Variants in CNTNAP5 observed in about 807,000 individuals in gnomAD.
CNTNAP5 encodes contactin associated protein family member 5.
CNTNAP5 carries 72 observed loss-of-function variants against 150.2 expected under a neutral mutation model. That is an observed-to-expected ratio of 0.48 (90% CI 0.40 to 0.58). CNTNAP5 has a LOEUF of 0.58. Among genes scored for constraint, CNTNAP5 ranks in the 20% least tolerant of loss-of-function variants. The probability of loss-of-function intolerance (pLI) is 0.00; values close to 1 mark genes in which losing one functional copy is unlikely to be tolerated. For missense variants in CNTNAP5, 1,636 were observed against 1,626.2 expected (o/e 1.01, Z -0.10); for synonymous variants, 672 against 619.8 (o/e 1.08, Z -1.25).
intron 1 of CNTNAP5, among the ~76,000 whole-genome samples, chr2:124,026,782 T>C (rs573267233): frequency 6.6e-6 from 1 of 152,372 alleles, no homozygotes; most frequent in African/African-American, 2.4e-5. Context: ...TTTTTAGTTT[T>C]TGTAATTTGC....
At chr2:124,538,374 A>T (rs934934201) in intron 10 of CNTNAP5, among the ~76,000 whole-genome samples, 27 of 152,130 alleles carry the variant, frequency 1.8e-4, no homozygotes, top group Non-Finnish European at 4.0e-4. Flanking sequence ...GCTGATGGGG[A>T]GGCTGAGGCA....
intron 1 of CNTNAP5, among the ~76,000 whole-genome samples, chr2:124,105,147 G>T (rs1053391090): frequency 3.3e-5 from 5 of 151,930 alleles, no homozygotes; most frequent in African/African-American, 1.2e-4. Flanking sequence ...AAATCTTACT[G>T]ATCTCTTCAG....
intron 12 of CNTNAP5, among the ~76,000 whole-genome samples, chr2:124,632,669 A>G (rs1677889023): frequency 6.6e-6 from 1 of 152,078 alleles, no homozygotes; most frequent in Non-Finnish European, 1.5e-5. Flanking sequence ...TATGTATGTT[A>G]CAAACCTGCA....
At chr2:124,083,523 G>C (rs1682609041) in intron 1 of CNTNAP5, among the ~76,000 whole-genome samples, 1 of 151,934 alleles carries the variant, frequency 6.6e-6, no homozygotes, top group Non-Finnish European at 1.5e-5. Context: ...ATACCAAATA[G>C]TTTTTACTGT....
chr2:124,648,964 C>A (rs1007057090), intron 13 of CNTNAP5, among the ~76,000 whole-genome samples: 2 of 152,150 alleles, frequency 1.3e-5, no homozygotes, highest in African/African-American at 4.8e-5. Context: ...TAACTAAATT[C>A]AACAGAATGC....
chr2:124,291,127 G>A (rs568526890), intron 3 of CNTNAP5, among the ~76,000 whole-genome samples: 66 of 151,920 alleles, frequency 4.3e-4, no homozygotes, highest in African/African-American at 1.5e-3. Context: ...ATTATTGTTT[G>A]TTTTTTGTTG....
At chr2:124,030,895 G>A (rs114794252) in intron 1 of CNTNAP5, among the ~76,000 whole-genome samples, 377 of 152,236 alleles carry the variant, frequency 2.5e-3, no homozygotes, top group Non-Finnish European at 4.3e-3. Context: ...GTCTACAGAT[G>A]TCAGACCAAC....
At chr2:124,067,437 C>T (rs974029246) in intron 1 of CNTNAP5, among the ~76,000 whole-genome samples, 1 of 152,158 alleles carries the variant, frequency 6.6e-6, no homozygotes, top group South Asian at 2.1e-4. Flanking sequence ...TCTATGGCTA[C>T]ATTGCCACCT....
At chr2:124,032,156 C>T (rs1681070904) in intron 1 of CNTNAP5, among the ~76,000 whole-genome samples, 2 of 152,060 alleles carry the variant, frequency 1.3e-5, no homozygotes, top group South Asian at 4.1e-4. Flanking sequence ...TAAAGGTAAA[C>T]ACGGCATGCA....
chr2:124,557,351 G>A (rs1695781774), intron 10 of CNTNAP5, among the ~76,000 whole-genome samples: 1 of 151,886 alleles, frequency 6.6e-6, no homozygotes, highest in African/African-American at 2.4e-5. Context: ...CAAAAGTGAG[G>A]CTCCTTTGCC....
intron 13 of CNTNAP5, among the ~76,000 whole-genome samples, chr2:124,729,495 T>A (rs1680226022): frequency 6.6e-6 from 1 of 152,108 alleles, no homozygotes. Flanking sequence ...TGCAATGAAT[T>A]ATAAGAAGTT....
intron 1 of CNTNAP5, among the ~76,000 whole-genome samples, chr2:124,175,355 AT>A (rs1000184920): frequency 5.9e-5 from 9 of 152,156 alleles, no homozygotes; most frequent in African/African-American, 1.7e-4. Context: ...GAATTAATTA[AT>A]TTATTTTTAA....
chr2:124,915,122 T>C lies in CNTNAP5; in HGVS notation c.*834T>C, dbSNP rs1446946271. 2 of 165,110 alleles carry C rather than the reference T, an allele frequency of 1.2e-5. No homozygotes were observed. The highest frequency in any genetic ancestry group is 2.4e-5 in the African/African-American group (1 of 41,300). The allele number at this position is 165,110 out of a possible 1,614,324, so 10.2% of individuals were successfully genotyped here. A position where few individuals can be genotyped will look rare whatever the true frequency, so the allele number is the denominator to read the frequency against. On this transcript the variant is annotated 3_prime_UTR_variant, in exon 24 of 24. Transcript: ENST00000682447. ...TGCTAGCTAGGTATTCCTGGGATTA[T>C]TATACTGAGATATATATATATACAC...
intron 4 of CNTNAP5, among the ~76,000 whole-genome samples, chr2:124,424,605 A>T (rs888255822): frequency 5.3e-5 from 8 of 152,204 alleles, no homozygotes; most frequent in African/African-American, 1.9e-4. Flanking sequence ...ACATACATGG[A>T]ATAACAACAC....
chr2:124,266,844 G>GGAAT (rs1687617676), intron 3 of CNTNAP5, among the ~76,000 whole-genome samples: 1 of 152,008 alleles, frequency 6.6e-6, no homozygotes, highest in Admixed American at 6.6e-5. Flanking sequence ...TGCTAGCCTG[G>GGAAT]GAATGGCAAA....
rs1409645542 is a variant in CNTNAP5, at chr2:124,337,991, C to T, written c.382-79452C>T. On this transcript the variant is annotated intron_variant, in intron 3 of 23. Transcript: ENST00000682447. ...ATTTTCATGATATTGATTCTTCCTA[C>T]CCATGAGCATGAAGTGTTCTTCCAT... Among the ~76,000 whole-genome samples the T allele has an allele frequency of 2.6e-5, 4 of 152,144 alleles. No homozygotes were observed. The East Asian group carries it at 5.8e-4, about 22-fold the overall frequency.
At chr2:124,207,585 T>A (rs542844821) in intron 1 of CNTNAP5, among the ~76,000 whole-genome samples, 1 of 152,360 alleles carries the variant, frequency 6.6e-6, no homozygotes, top group Admixed American at 6.5e-5. Context: ...TACCACTCCC[T>A]TCATCACCAT....
At chr2:124,759,651 C>T (rs1056444430) in intron 14 of CNTNAP5, among the ~76,000 whole-genome samples, 1 of 151,666 alleles carries the variant, frequency 6.6e-6, no homozygotes, top group Non-Finnish European at 1.5e-5. Flanking sequence ...GTGAAAAGTC[C>T]TATGGTTTCA....
intron 13 of CNTNAP5, among the ~76,000 whole-genome samples, chr2:124,701,204 T>C (rs1434115340): frequency 1.3e-5 from 2 of 152,234 alleles, no homozygotes; most frequent in East Asian, 3.9e-4. Flanking sequence ...TGGTAACCAA[T>C]GTGTTGTTCT....
Sources: allele counts gnomAD v4.1 joint callset (sites outside exome capture counted in the v4.1 genomes callset), GRCh38; gene constraint gnomAD v4.1.1; transcripts MANE v1.5; gene names NCBI Gene and HGNC (gene_info 2026-07-23, HGNC 2026-07-21).